LAMC2: variants seen among roughly 807,000 people sequenced by gnomAD.
LAMC2 encodes the protein laminin subunit gamma 2.
A neutral mutation model predicts 140.2 loss-of-function variants in LAMC2; 97 were observed. The ratio of observed to expected loss-of-function variants is 0.69; its 90% CI spans 0.59 to 0.82. The LOEUF is 0.82. LAMC2 is among the 40% of genes least tolerant of loss of function. The probability of loss-of-function intolerance (pLI) is 0.00; values close to 1 mark genes in which losing one functional copy is unlikely to be tolerated. For missense variants in LAMC2, 1,402 were observed against 1,476.1 expected, an observed-to-expected ratio of 0.95 and a Z score of 0.82; for synonymous variants, 513 against 540.2, an observed-to-expected ratio of 0.95 and a Z score of 0.70.
At chr1:183,199,385 T>C (rs1465108254) in intron 1 of LAMC2, among the ~76,000 whole-genome samples, 3 of 151,832 alleles carry the variant, frequency 2.0e-5, no homozygotes, top group African/African-American at 4.8e-5. Flanking sequence ...TACAGACTTT[T>C]CTTAGAGTCA....
chr1:183,216,683 C>T (rs1659270523), intron 3 of LAMC2, among the ~76,000 whole-genome samples: 1 of 152,202 alleles, frequency 6.6e-6, no homozygotes, highest in Non-Finnish European at 1.5e-5. Context: ...AGCAGTCCCA[C>T]CCCTCTGTGT....
intron 1 of LAMC2, among the ~76,000 whole-genome samples, chr1:183,198,047 G>C (rs998175697): frequency 1.2e-4 from 18 of 151,748 alleles, no homozygotes; most frequent in Non-Finnish European, 2.6e-4. Flanking sequence ...CTCAGAAAGA[G>C]AATGAGGGAC....
chr1:183,196,886 A>G (rs1283229386), intron 1 of LAMC2, among the ~76,000 whole-genome samples: 2 of 152,224 alleles, frequency 1.3e-5, no homozygotes, highest in Non-Finnish European at 2.9e-5. Context: ...AATGAAGTGT[A>G]TGTGAATGAA....
chr1:183,218,544 T>A (rs967348405), intron 4 of LAMC2, 56 bp downstream of exon 4: 4 of 1,243,758 alleles, frequency 3.2e-6, no homozygotes, highest in South Asian at 2.5e-5. Context: ...CCAACTAGCA[T>A]GAGAATTAAT....
intron 1 of LAMC2, among the ~76,000 whole-genome samples, chr1:183,204,455 GA>G (rs79056040): frequency 0.24 from 30,987 of 129,360 alleles, 6,328 homozygotes; most frequent in African/African-American, 0.55. Flanking sequence ...CAAACAAACA[GA>G]AAAAAAAAAA....
chr1:183,258,069 A>G, the LAMC2 span, among the ~76,000 whole-genome samples: 2 of 152,132 alleles, frequency 1.3e-5, no homozygotes, highest in Admixed American at 1.3e-4. Context: ...ATTCTCTTCC[A>G]GGGATTTTTG....
intron 6 of LAMC2, 132 bp downstream of exon 6, chr1:183,222,343 A>G (rs1659501566): frequency 3.3e-6 from 3 of 922,892 alleles, no homozygotes; most frequent in Non-Finnish European, 5.4e-6. Context: ...GGGTAGTGCA[A>G]CCCCAGAAGA....
In LAMC2 at chr1:183,228,231, G is replaced by A; in HGVS notation, c.1469-143G>A. The A allele has an allele frequency of 1.8e-6, 2 of 1,095,788 alleles. No homozygotes were observed. The highest frequency in any genetic ancestry group is 2.7e-6 in the Non-Finnish European group (2 of 739,316). 67.9% of individuals were successfully genotyped at this position (1,095,788 alleles called of 1,614,324 possible). ...AGGGCCAGCCCTGCCTTGCATGCCT[G>A]CTCCTGAGGGCTTTGTTCTGGGGTC... On this transcript the variant is annotated intron_variant, in intron 10 of 22. Transcript: ENST00000264144. This position sits in a 1 kb window ranked among gnomAD's most constrained non-coding sequence, Gnocchi z 4.3.
At chr1:183,256,799 G>T in the LAMC2 span, among the ~76,000 whole-genome samples, 321 of 152,218 alleles carry the variant, frequency 2.1e-3, 6 homozygotes, top group East Asian at 0.053. Context: ...GCCCAGGCTG[G>T]AGTGCAGCAG....
intron 1 of LAMC2, among the ~76,000 whole-genome samples, chr1:183,205,433 A>C (rs1298020026): frequency 1.3e-5 from 2 of 152,224 alleles, no homozygotes; most frequent in African/African-American, 4.8e-5. Context: ...ATTGTGTGCA[A>C]ATGTAATATG....
chr1:183,196,545 T>G (rs1658522659), intron 1 of LAMC2, among the ~76,000 whole-genome samples: 1 of 152,190 alleles, frequency 6.6e-6, no homozygotes, highest in Non-Finnish European at 1.5e-5. Context: ...AGTGGGTATA[T>G]GCAACTGAAA....
chr1:183,196,224 G>A (rs1342634146), intron 1 of LAMC2, among the ~76,000 whole-genome samples: 1 of 151,336 alleles, frequency 6.6e-6, no homozygotes, highest in Non-Finnish European at 1.5e-5. Flanking sequence ...TGCAACCTCT[G>A]CCTACCGGGT....
rs1288537928 is a variant in LAMC2 at position 183,225,626 on chromosome 1, C to T, written c.972C>T (p.Ser324=). ...TATGCAGGTTAAATGAGCATCCAAG[C>T]AATAATTGGAGCCCCCAGCTGAGTT... The part of the protein sequence containing the change: ...TYTFRLNEHP[S]NNWSPQLSYF... Residue 324 remains serine, a synonymous_variant, in exon 8 of 23, where the codon AGC becomes AGT. Transcript: ENST00000264144. The T allele has an allele frequency of 6.2e-7, 1 of 1,612,976 alleles. No homozygotes were observed. The highest frequency in any genetic ancestry group is 1.3e-5 in the African/African-American group (1 of 74,900).
At chr1:183,216,662 G>A (rs1659269893) in intron 3 of LAMC2, among the ~76,000 whole-genome samples, 1 of 152,054 alleles carries the variant, frequency 6.6e-6, no homozygotes, top group South Asian at 2.1e-4. Context: ...TCCTCACAGA[G>A]GCCTTCCTGC....
chr1:183,251,727 G>T, the LAMC2 span: 1,706 of 153,114 alleles, frequency 0.011, 11 homozygotes, highest in Middle Eastern at 0.023. Context: ...GTGATCATAA[G>T]CTCAGAGCAT....
chr1:183,215,388 C>T, intron 2 of LAMC2, 65 bp from the exon 3 acceptor site: 7 of 1,590,338 alleles, frequency 4.4e-6, no homozygotes, highest in Non-Finnish European at 6.0e-6. Flanking sequence ...ATAGTTGCTT[C>T]CAATGCCGCA....
intron 4 of LAMC2, among the ~76,000 whole-genome samples, chr1:183,219,518 TTTC>T (rs1237022758): frequency 2.0e-5 from 3 of 152,152 alleles, no homozygotes; most frequent in Non-Finnish European, 4.4e-5. Context: ...TGGTAATCGC[TTTC>T]TTTCTTTGCT....
Position 183,228,274 on chromosome 1 carries a change from C to A in LAMC2, c.1469-100C>A. ...CTGGGGTCCCTAGGGAAGCACATTT[C>A]TCTGGCTCTTCTAGAGGGTGACTCG... On this transcript the variant is annotated intron_variant, in intron 10 of 22. Transcript: ENST00000264144. The surrounding 1 kb of genome is among the most constrained non-coding windows in gnomAD (Gnocchi z 4.3). 2.6e-6 allele frequency: 4 copies of A among 1,513,332 alleles called. No individual in the cohort carries two copies. The South Asian group carries it at 3.4e-5, about 13-fold the overall frequency. 93.7% of individuals were successfully genotyped at this position (1,513,332 alleles called of 1,614,324 possible). A position where few individuals can be genotyped will look rare whatever the true frequency, so the allele number is the denominator to read the frequency against.
intron 1 of LAMC2, among the ~76,000 whole-genome samples, chr1:183,197,971 A>T (rs533869793): frequency 6.6e-6 from 1 of 152,196 alleles, no homozygotes; most frequent in South Asian, 2.1e-4. Context: ...GACACCTGGC[A>T]GTATGACATC....
Sources: allele counts gnomAD v4.1 joint callset (sites outside exome capture counted in the v4.1 genomes callset), GRCh38; gene constraint gnomAD v4.1.1; non-coding constraint Gnocchi (gnomAD v3.1); transcripts MANE v1.5; gene names NCBI Gene and HGNC (gene_info 2026-07-23, HGNC 2026-07-21).